DKK4: variants seen among roughly 807,000 people sequenced by gnomAD.
The protein encoded by DKK4 is dickkopf Wnt signaling pathway inhibitor 4.
Under a neutral mutation model 14.5 loss-of-function variants are expected in DKK4, and 15 were observed. That is an observed-to-expected ratio of 1.03 (90% CI 0.69 to 1.59). The LOEUF (loss-of-function observed/expected upper bound fraction) is 1.59. DKK4 is among the 40% of genes most tolerant of loss of function. The pLI is 0.00. For missense variants in DKK4, 272 were observed against 280.3 expected, an observed-to-expected ratio of 0.97 and a Z score of 0.21; for synonymous variants, 89 against 105.2, an observed-to-expected ratio of 0.85 and a Z score of 0.94.
upstream of DKK4, among the ~76,000 whole-genome samples, chr8:42,380,718 G>C (rs576690706): frequency 6.9e-5 from 10 of 143,902 alleles, no homozygotes; most frequent in Non-Finnish European, 1.4e-4. Context: ...GAGGAAGGGA[G>C]GAAAAAAGGA....
At chr8:42,381,095 A>T (rs1358102759), upstream of DKK4, among the ~76,000 whole-genome samples, 1 of 152,008 alleles carries the variant, frequency 6.6e-6, no homozygotes, top group Non-Finnish European at 1.5e-5. Context: ...TGCCCCGATG[A>T]CAATGAAGAG....
chr8:42,386,595 G>A, the DKK4 span, among the ~76,000 whole-genome samples: 2 of 152,042 alleles, frequency 1.3e-5, no homozygotes, highest in African/African-American at 4.8e-5. Flanking sequence ...GGTCTCAAGC[G>A]ATCCTCCCAG....
the DKK4 span, among the ~76,000 whole-genome samples, chr8:42,385,421 T>A: frequency 6.6e-6 from 1 of 151,948 alleles, no homozygotes; most frequent in Non-Finnish European, 1.5e-5. Context: ...CTAAAAACGA[T>A]ACACAAATTA....
chr8:42,374,094 A>C lies in DKK4; in HGVS notation c.*6T>G. 6.2e-7 allele frequency: 1 copy of C among 1,608,788 alleles called. No individual in the cohort carries two copies. The highest frequency in any genetic ancestry group is 8.5e-7 in the Non-Finnish European group (1 of 1,179,234). ...GCAATGTGGATTCTTCTTTATTTTG[A>C]AATATTTATAGCTTTTCTATTTTTT... is the stretch of plus-strand genomic sequence containing the variant. On this transcript the variant is annotated 3_prime_UTR_variant, in exon 4 of 4. Coordinates refer to ENST00000220812, the MANE Select transcript of DKK4 (RefSeq NM_014420.3).
chr8:42,379,569 G>A (rs1824634403), upstream of DKK4, among the ~76,000 whole-genome samples: 2 of 151,590 alleles, frequency 1.3e-5, no homozygotes, highest in Non-Finnish European at 2.9e-5. Context: ...ATAAATATAA[G>A]GGTGGAGGAC....
chr8:42,378,979 G>A (rs1035892417), upstream of DKK4, among the ~76,000 whole-genome samples: 1 of 150,422 alleles, frequency 6.6e-6, no homozygotes, highest in East Asian at 2.0e-4. Flanking sequence ...GGCCGCGTGC[G>A]GTGGCTGACG....
At chr8:42,391,240 A>G in the DKK4 span, among the ~76,000 whole-genome samples, 1 of 151,898 alleles carries the variant, frequency 6.6e-6, no homozygotes, top group African/African-American at 2.4e-5. Context: ...TGAAATTCCC[A>G]TAAGAGGCTG....
chr8:42,376,134 A>G (rs1291050610), intron 1 of DKK4, among the ~76,000 whole-genome samples: 1 of 152,192 alleles, frequency 6.6e-6, no homozygotes, highest in Admixed American at 6.5e-5. Context: ...TTAACAGGTG[A>G]GTATGAGATT....
rs773793925 is a variant in DKK4 at position 42,374,064 on chromosome 8, C to T, written c.*36G>A. ...TAAAGTTAATGTCCAAGATTGAGCT[C>T]AAATGCAATGTGGATTCTTCTTTAT... On this transcript the variant is annotated 3_prime_UTR_variant, in exon 4 of 4. Coordinates refer to ENST00000220812, the MANE Select transcript of DKK4 (RefSeq NM_014420.3). The T allele has an allele frequency of 4.4e-6, 7 of 1,607,796 alleles. No individual in the cohort carries two copies. In the African/African-American group the frequency reaches 6.7e-5, roughly 15 times the overall value.
intron 1 of DKK4, 108 bp downstream of exon 1, chr8:42,376,827 G>A (rs1824573162): frequency 2.3e-6 from 2 of 886,754 alleles, no homozygotes; most frequent in Non-Finnish European, 3.5e-6. Flanking sequence ...CAATTTACCT[G>A]CTAGGTAAGA....
At position 42,374,175 on chromosome 8, in the gene DKK4, T is replaced by C. The variant is rs1824503452; in HGVS notation, c.600A>G (p.Leu200=). ...IFQRCDCGPG[L]LCRSQLTSNR... is the part of the protein sequence containing the mutation. ...TGCTGGTCAATTGGCTTCGACACAG[T>C]AGTCCAGGGCCACAGTCGCAACGCT... Residue 200 remains leucine, a synonymous_variant, in exon 4 of 4, where the codon CTA becomes CTG. Coordinates refer to ENST00000220812, the MANE Select transcript of DKK4 (RefSeq NM_014420.3). 2 of 1,613,650 alleles carry C rather than the reference T, an allele frequency of 1.2e-6. No homozygotes were observed. The highest frequency in any genetic ancestry group is 1.7e-5 in the Admixed American group (1 of 59,974).
chr8:42,379,565 A>G (rs866521173), upstream of DKK4, among the ~76,000 whole-genome samples: 2 of 151,862 alleles, frequency 1.3e-5, no homozygotes, highest in South Asian at 4.2e-4. Context: ...AGGTATAAAT[A>G]TAAGGGTGGA....
At chr8:42,380,002 G>A (rs1459268543), upstream of DKK4, among the ~76,000 whole-genome samples, 1 of 152,080 alleles carries the variant, frequency 6.6e-6, no homozygotes, top group African/African-American at 2.4e-5. Context: ...TGAGGCCAGG[G>A]AGCAGCCTGA....
chr8:42,374,882 TG>T lies in DKK4; in HGVS notation c.293del (p.Pro98GlnfsTer3), dbSNP rs1563414116. The stretch of plus-strand genomic sequence containing the variant: ...GCTCATCAAGCTGCCTTTCTAATAT[TG>T]GGGTTGCATCTTCCATCGTAGTACA... ...DVCTTMEDAT[P>X]ILERQLDEQD... On this transcript the variant is annotated frameshift_variant, in exon 3 of 4. Transcript: ENST00000220812. LOFTEE classifies it high-confidence loss of function. 3.1e-6 allele frequency: 5 copies of T among 1,614,052 alleles called. No homozygotes were observed. The highest frequency in any genetic ancestry group is 4.2e-6 in the Non-Finnish European group (5 of 1,180,030).
At chr8:42,375,541 A>G in intron 2 of DKK4, 139 bp downstream of exon 2, 2 of 1,109,874 alleles carry the variant, frequency 1.8e-6, no homozygotes, top group Non-Finnish European at 2.5e-6. Context: ...AAAGGAAAAG[A>G]AAAGGCAGCT....
At chr8:42,381,301 T>A (rs1461915387), upstream of DKK4, among the ~76,000 whole-genome samples, 1 of 151,808 alleles carries the variant, frequency 6.6e-6, no homozygotes, top group East Asian at 1.9e-4. Context: ...GAAAATCAGG[T>A]TGGGGGAGCA....
upstream of DKK4, among the ~76,000 whole-genome samples, chr8:42,378,824 T>C (rs1040311017): frequency 6.6e-6 from 1 of 150,644 alleles, no homozygotes; most frequent in Admixed American, 6.7e-5. Context: ...GAAACTCCAA[T>C]GGCCGGGCAC....
At chr8:42,374,428 G>A (rs1824518280) in intron 3 of DKK4, 69 bp from the exon 4 acceptor site, 5 of 1,589,658 alleles carry the variant, frequency 3.1e-6, no homozygotes, top group Non-Finnish European at 4.3e-6. Flanking sequence ...TTGCTACTGG[G>A]ATAAGGGAAT....
chr8:42,385,805 G>T, the DKK4 span, among the ~76,000 whole-genome samples: 1 of 151,998 alleles, frequency 6.6e-6, no homozygotes, highest in Non-Finnish European at 1.5e-5. Context: ...AATTATAAAA[G>T]AAATACATTC....
Sources: allele counts gnomAD v4.1 joint callset (sites outside exome capture counted in the v4.1 genomes callset), GRCh38; gene constraint gnomAD v4.1.1; transcripts MANE v1.5; gene names NCBI Gene and HGNC (gene_info 2026-07-23, HGNC 2026-07-21).